Variants in MAPK9 observed in about 807,000 individuals in gnomAD.
MAPK9 encodes the protein Jun kinase.
A neutral mutation model predicts 57.1 loss-of-function variants in MAPK9; 30 were observed. That is an observed-to-expected ratio of 0.53 (90% CI 0.39 to 0.71). MAPK9 has a LOEUF of 0.71. Among genes scored for constraint, MAPK9 ranks in the 30% least tolerant of loss-of-function variants. The pLI is 0.00. For synonymous variants in MAPK9, 155 were observed against 177.0 expected, an observed-to-expected ratio of 0.88 and a Z score of 0.99; for missense variants, 362 against 521.0, an observed-to-expected ratio of 0.69 and a Z score of 2.97.
chr5:180,262,565 TA>T (rs1760091149), intron 4 of MAPK9, among the ~76,000 whole-genome samples: 1 of 119,016 alleles, frequency 8.4e-6, no homozygotes, highest in African/African-American at 3.5e-5. Context: ...AACTGAAAAT[TA>T]AATTAAAAAA....
At chr5:180,278,220 A>G (rs1227988344) in intron 2 of MAPK9, among the ~76,000 whole-genome samples, 3 of 152,226 alleles carry the variant, frequency 2.0e-5, no homozygotes, top group African/African-American at 7.2e-5. Context: ...TTTTGGTCCC[A>G]GGCCTACCAC....
At chr5:180,264,951 ACTT>A (rs34234996) in intron 3 of MAPK9, 112 bp from the exon 4 acceptor site, 214,001 of 792,476 alleles carry the variant, frequency 0.27, 31,568 homozygotes, top group African/African-American at 0.45. Context: ...AGAATTCAGT[ACTT>A]CTTATTATTA....
At position 180,278,701 on chromosome 5, in the gene MAPK9, AAAAT is replaced by A. The variant is rs370100920; in HGVS notation, c.122+1735_122+1738del. On this transcript the variant is annotated intron_variant, in intron 2 of 11. Transcript: ENST00000452135. ...TGACAAAGTGAGACTCTGTCTCAAA[AAAAT>A]AAATAAATAAATAAAACAGCTACCT... Among the ~76,000 whole-genome samples the A allele has an allele frequency of 2.1e-4, 32 of 152,180 alleles. 1 individual carries two copies. In the East Asian group the frequency reaches 2.1e-3, roughly 10 times the overall value.
At chr5:180,278,957 C>CTTT (rs751873959) in intron 2 of MAPK9, among the ~76,000 whole-genome samples, 4 of 139,858 alleles carry the variant, frequency 2.9e-5, no homozygotes, top group Non-Finnish European at 6.3e-5. Flanking sequence ...AACTTTAAAA[C>CTTT]TTTTTTTTTT....
chr5:180,269,578 T>C (rs1014594316), intron 2 of MAPK9, among the ~76,000 whole-genome samples, 169 bp from the exon 3 acceptor site: 2 of 152,252 alleles, frequency 1.3e-5, no homozygotes, highest in Non-Finnish European at 2.9e-5. Flanking sequence ...TGTCTAAGAC[T>C]ACAGCATGTA....
At chr5:180,257,141 A>C (rs1759372458) in intron 5 of MAPK9, among the ~76,000 whole-genome samples, 1 of 152,220 alleles carries the variant, frequency 6.6e-6, no homozygotes, top group South Asian at 2.1e-4. Context: ...GGAGGCTGTC[A>C]GCTAGCCCTG....
Position 180,279,579 on chromosome 5 carries a change from A to G in MAPK9, c.122+861T>C, listed in dbSNP as rs925702521. Among the ~76,000 whole-genome samples, 3 of 152,144 alleles carry G rather than the reference A, an allele frequency of 2.0e-5. No homozygotes were observed. In the East Asian group the frequency reaches 5.8e-4, roughly 29 times the overall value. Reference sequence around the variant, plus strand: ...ACTACCCTACTAGAGCATCGAAAAGAGCTTTCTTCTCCCTCAACCCCCTCT... The same window carrying G: ...ACTACCCTACTAGAGCATCGAAAAGGGCTTTCTTCTCCCTCAACCCCCTCT... On this transcript the variant is annotated intron_variant, in intron 2 of 11. Transcript: ENST00000452135.
rs978390228 is a variant in MAPK9, at chr5:180,234,992, G to A, written c.*1392C>T. ...CAGCAACAGAATAAGCTCAAGGGAA[G>A]AGACATGGGCACAGGCAGGCAAAAC... On this transcript the variant is annotated 3_prime_UTR_variant, in exon 12 of 12. Coordinates refer to ENST00000452135, the MANE Select transcript of MAPK9 (RefSeq NM_002752.5). 4 of 152,210 alleles carry A rather than the reference G, an allele frequency of 2.6e-5. No homozygotes were observed. Among genetic ancestry groups the A allele is most frequent in the African/African-American group, 9.7e-5 (4 of 41,444 alleles). The allele number at this position is 152,210 out of a possible 1,614,324, so 9.4% of individuals were successfully genotyped here.
intron 5 of MAPK9, among the ~76,000 whole-genome samples, chr5:180,254,642 C>T (rs948340612): frequency 2.0e-5 from 3 of 152,162 alleles, no homozygotes; most frequent in Non-Finnish European, 4.4e-5. Context: ...CACATCAAGG[C>T]ATACATCAAA....
In MAPK9 at chr5:180,236,339, G is replaced by C. The variant is rs772235672; in HGVS notation, c.*45C>G. 2.0e-5 allele frequency: 31 copies of C among 1,563,802 alleles called. No individual in the cohort carries two copies. The highest frequency in any genetic ancestry group is 2.6e-5 in the Non-Finnish European group (30 of 1,148,062). On this transcript the variant is annotated 3_prime_UTR_variant, in exon 12 of 12. Transcript: ENST00000452135. ...CTCCCAAGCATTTCAGGCCCACGGA[G>C]GTGAGAGTTCCTTCAATGCTGACAG...
intron 1 of MAPK9, among the ~76,000 whole-genome samples, chr5:180,285,802 G>A (rs991114658): frequency 6.6e-6 from 1 of 151,914 alleles, no homozygotes; most frequent in Non-Finnish European, 1.5e-5. Flanking sequence ...AATCTGGCCG[G>A]GTGCGGTGGC....
intron 1 of MAPK9, among the ~76,000 whole-genome samples, chr5:180,285,049 G>A (rs1222648169): frequency 6.6e-6 from 1 of 152,146 alleles, no homozygotes; most frequent in Non-Finnish European, 1.5e-5. Context: ...AACAACACAT[G>A]TTAAATGAAA....
intron 1 of MAPK9, among the ~76,000 whole-genome samples, chr5:180,285,705 CT>C (rs1762677070): frequency 2.6e-5 from 4 of 151,898 alleles, no homozygotes; most frequent in African/African-American, 7.3e-5. Flanking sequence ...GGGAGGATCA[CT>C]TAAGCCCAAG....
chr5:180,258,428 C>T (rs946030656), intron 5 of MAPK9: 1 of 152,550 alleles, frequency 6.6e-6, no homozygotes, highest in African/African-American at 2.4e-5. Flanking sequence ...CTCACTCTTT[C>T]CAGTTCCATT....
chr5:180,260,563 C>T (rs374213247), intron 5 of MAPK9, among the ~76,000 whole-genome samples: 6 of 152,082 alleles, frequency 3.9e-5, no homozygotes, highest in South Asian at 2.1e-4. Flanking sequence ...TTATTTAACA[C>T]GAAAATATTG....
intron 4 of MAPK9, among the ~76,000 whole-genome samples, chr5:180,264,003 C>A (rs992051840): frequency 1.3e-5 from 2 of 152,218 alleles, no homozygotes; most frequent in African/African-American, 4.8e-5. Context: ...CCGCACCCGG[C>A]CAGACCAACT....
rs1221987942 is a variant in MAPK9, at chr5:180,283,943, A to G, written c.-47-3335T>C. Among the ~76,000 whole-genome samples the G allele has an allele frequency of 2.0e-5, 3 of 152,170 alleles. No homozygotes were observed. In the East Asian group the frequency reaches 5.8e-4, roughly 29 times the overall value. ...ACTCCATCTCAAAAACAAACAAACAAAAAGATTTAAAATAATTATAAAATT... is the reference window on the plus strand; with the variant it reads ...ACTCCATCTCAAAAACAAACAAACAGAAAGATTTAAAATAATTATAAAATT... On this transcript the variant is annotated intron_variant, in intron 1 of 11. Coordinates refer to ENST00000452135, the MANE Select transcript of MAPK9 (RefSeq NM_002752.5).
At chr5:180,238,066 T>G in intron 11 of MAPK9, 1 of 242,084 alleles carries the variant, frequency 4.1e-6, no homozygotes, top group Non-Finnish European at 8.1e-6. Context: ...GGTCAGGAGA[T>G]CGAGACCAGC....
chr5:180,262,362 C>G (rs1325620065), intron 4 of MAPK9, among the ~76,000 whole-genome samples: 2 of 127,216 alleles, frequency 1.6e-5, no homozygotes, highest in Non-Finnish European at 3.5e-5. Flanking sequence ...TTCTTTGCTC[C>G]CTTTGCAAGC....
Sources: gnomAD v4.1 joint callset for allele counts (sites outside exome capture counted in the v4.1 genomes callset) on GRCh38, gnomAD v4.1.1 for gene constraint, MANE v1.5 for transcripts, NCBI Gene and HGNC (gene_info 2026-07-23, HGNC 2026-07-21) for gene names.